The following THAP4 variants were observed in gnomAD, a reference collection of about 807,000 sequenced individuals.
THAP4 encodes peroxynitrite isomerase THAP4.
In THAP4, 18 loss-of-function variants were observed where a neutral mutation model predicts 48.1. That is an observed-to-expected ratio of 0.37 (90% confidence interval 0.26 to 0.56). The LOEUF (loss-of-function observed/expected upper bound fraction) is 0.56, where lower values mean the gene tolerates loss of function less well. Among genes scored for constraint, THAP4 ranks in the 20% least tolerant of loss-of-function variants. THAP4 has a pLI of 0.78. For synonymous variants in THAP4, 345 were observed against 324.9 expected, an observed-to-expected ratio of 1.06 and a Z score of -0.66; for missense variants, 656 against 774.9, an observed-to-expected ratio of 0.85 and a Z score of 1.82.
In THAP4 at chr2:241,584,660, C is replaced by G. The variant is rs146802008; in HGVS notation, c.1680G>C (p.Thr560=). 5 of 1,614,156 alleles carry G rather than the reference C, an allele frequency of 3.1e-6. No individual in the cohort carries two copies. Among genetic ancestry groups the G allele is most frequent in the Non-Finnish European group, 4.2e-6 (5 of 1,180,002 alleles). The change falls in exon 6 of 6, where the codon ACG becomes ACC. Residue 560 remains threonine (T), a synonymous_variant. Coordinates refer to ENST00000407315, the MANE Select transcript of THAP4 (RefSeq NM_015963.6). ...KLEQTVSMAT[T]TQPMTQHLHV... is the part of the protein sequence containing the mutation. ...GAAGATGCTGAGTCATTGGCTGTGTCGTGGTTGCCATGGAGACCGTCTGCT... is the reference window on the plus strand; with the variant it reads ...GAAGATGCTGAGTCATTGGCTGTGTGGTGGTTGCCATGGAGACCGTCTGCT...
intron 2 of THAP4, among the ~76,000 whole-genome samples, chr2:241,632,345 C>T (rs971905316): frequency 6.6e-6 from 1 of 152,010 alleles, no homozygotes; most frequent in African/African-American, 2.4e-5. Context: ...AGTGATCTGC[C>T]CACCTTAGCC....
chr2:241,606,509 C>T (rs1254611178), intron 2 of THAP4, 36 bp from the exon 3 acceptor site: 3 of 1,552,302 alleles, frequency 1.9e-6, no homozygotes, highest in Non-Finnish European at 2.6e-6. Flanking sequence ...AGTGGCCTCC[C>T]TCCAACCATG....
chr2:241,597,304 T>A (rs1040426571), intron 5 of THAP4, among the ~76,000 whole-genome samples: 2 of 152,144 alleles, frequency 1.3e-5, no homozygotes, highest in African/African-American at 4.8e-5. Flanking sequence ...TGGCTAATTT[T>A]TGTATTTTTA....
intron 2 of THAP4, among the ~76,000 whole-genome samples, chr2:241,632,375 C>T (rs1446578700): frequency 3.9e-5 from 6 of 152,126 alleles, no homozygotes; most frequent in Non-Finnish European, 7.3e-5. Flanking sequence ...ACTGGGATTA[C>T]AGGTGTGAGC....
intron 2 of THAP4, among the ~76,000 whole-genome samples, chr2:241,630,704 G>A (rs771110646): frequency 1.3e-5 from 2 of 151,726 alleles, no homozygotes; most frequent in South Asian, 2.1e-4. Context: ...GCTTGAACCC[G>A]GGAGGTGGAG....
chr2:241,613,800 CATAAT>C (rs1237822734), intron 2 of THAP4, among the ~76,000 whole-genome samples: 2 of 152,018 alleles, frequency 1.3e-5, no homozygotes, highest in East Asian at 3.9e-4. Flanking sequence ...ACACAACAAG[CATAAT>C]ATAAAATAAG....
intron 2 of THAP4, among the ~76,000 whole-genome samples, chr2:241,621,966 A>G (rs2067433673): frequency 6.6e-6 from 1 of 152,216 alleles, no homozygotes; most frequent in South Asian, 2.1e-4. Context: ...AACCAAACCA[A>G]AAACGTGCAA....
In THAP4 at chr2:241,637,065, C is replaced by G. The variant is rs1302838156; in HGVS notation, c.-48G>C. 4 of 1,107,838 alleles carry G rather than the reference C, an allele frequency of 3.6e-6. No individual in the cohort carries two copies. The highest frequency in any genetic ancestry group is 4.4e-6 in the Non-Finnish European group (4 of 902,728). 68.6% of individuals were successfully genotyped at this position (1,107,838 alleles called of 1,614,324 possible). The stretch of plus-strand genomic sequence containing the variant: ...CAGCCAGGCCCCGGCCCTAGCCGCC[C>G]GCCCGCCCGCGGACCGCCCCGAGGG... On this transcript the variant is annotated 5_prime_UTR_variant, in exon 1 of 6. Transcript: ENST00000407315.
chr2:241,606,358 C>T lies in THAP4; in HGVS notation c.1356G>A (p.Glu452=). 1 of 1,575,560 alleles carries T rather than the reference C, an allele frequency of 6.3e-7. No individual in the cohort carries two copies. Among genetic ancestry groups the T allele is most frequent in the South Asian group, 1.2e-5 (1 of 86,056 alleles). ...GGCCCACGTGGGAGATGTGAACCTC[C>T]TCCAGGTACTGGAAGGGCTGCAGTG... is the stretch of plus-strand genomic sequence containing the variant. ...YPTLQPFQYL[E]EVHISHVGQP... The change falls in exon 3 of 6, where the codon GAG becomes GAA. Residue 452 remains glutamate (E), a synonymous_variant. Coordinates refer to ENST00000407315, the MANE Select transcript of THAP4 (RefSeq NM_015963.6).
chr2:241,605,742 T>C (rs2067174991), intron 3 of THAP4, among the ~76,000 whole-genome samples: 1 of 151,506 alleles, frequency 6.6e-6, no homozygotes, highest in African/African-American at 2.4e-5. Context: ...TTGAGACAGG[T>C]TCTCACTCTG....
Position 241,633,115 on chromosome 2 carries a change from A to C in THAP4, c.1042T>G (p.Tyr348Asp). 1 of 1,613,580 alleles carries C rather than the reference A, an allele frequency of 6.2e-7. No homozygotes were observed. The highest frequency in any genetic ancestry group is 8.5e-7 in the Non-Finnish European group (1 of 1,179,842). Residue 348 changes from tyrosine to aspartate, a missense_variant, in exon 2 of 6, where the codon TAC becomes GAC. This residue lies in a region of THAP4 where 391 missense variants were observed against 412.4 expected (regional missense o/e 0.95). Transcript: ENST00000407315. This position sits in a 1 kb window ranked among gnomAD's most constrained non-coding sequence, Gnocchi z 7.5. ...ACKLIDSLHS[Y>D]CFSSRQNKSQ... ...TTGTTCTGCCGGGAGGAGAAGCAGT[A>C]GGAGTGCAGTGAGTCGATGAGCTTG...
At chr2:241,599,723 G>A (rs1034629102) in intron 5 of THAP4, among the ~76,000 whole-genome samples, 1 of 152,150 alleles carries the variant, frequency 6.6e-6, no homozygotes, top group Non-Finnish European at 1.5e-5. Flanking sequence ...TGTATTCAAT[G>A]CAGTCTTGAT....
At position 241,616,094 on chromosome 2, in the gene THAP4, C is replaced by T. The variant is rs1011933175; in HGVS notation, c.1241-9621G>A. On this transcript the variant is annotated intron_variant, in intron 2 of 5. Coordinates refer to ENST00000407315, the MANE Select transcript of THAP4 (RefSeq NM_015963.6). This position sits in a 1 kb window ranked among gnomAD's most constrained non-coding sequence, Gnocchi z 4.6. ...GGACAGGTGAGCACAGCTGGCTCCT[C>T]AGAAGAACTGGGCTTATCTGAAGTC... is the stretch of plus-strand genomic sequence containing the variant. Among the ~76,000 whole-genome samples the T allele has an allele frequency of 2.0e-5, 3 of 152,218 alleles. No individual in the cohort carries two copies. Among genetic ancestry groups the T allele is most frequent in the Non-Finnish European group, 4.4e-5 (3 of 68,040 alleles).
intron 2 of THAP4, among the ~76,000 whole-genome samples, chr2:241,625,383 G>A (rs1008199219): frequency 6.6e-6 from 1 of 151,798 alleles, no homozygotes; most frequent in Admixed American, 6.6e-5. Context: ...GCTGTGGCAG[G>A]TGGGTCACCT....
chr2:241,597,227 A>C (rs1322524047), intron 5 of THAP4, among the ~76,000 whole-genome samples: 1 of 152,074 alleles, frequency 6.6e-6, no homozygotes, highest in African/African-American at 2.4e-5. Context: ...GCTGCCTACC[A>C]GTTTCAAGCG....
chr2:241,584,777 A>G (rs373601840), intron 5 of THAP4, 52 bp from the exon 6 acceptor site: 12 of 1,611,066 alleles, frequency 7.4e-6, no homozygotes, highest in African/African-American at 1.3e-5. Flanking sequence ...CAAAAGATTC[A>G]ATCAATGCCT....
intron 2 of THAP4, among the ~76,000 whole-genome samples, chr2:241,619,979 G>A (rs1304350350): frequency 4.0e-5 from 4 of 99,398 alleles, no homozygotes; most frequent in African/African-American, 7.9e-5. Context: ...TGAGTGAGTC[G>A]GTGAGTGAGG....
intron 5 of THAP4, among the ~76,000 whole-genome samples, chr2:241,588,113 CAT>C (rs1401625822): frequency 1.3e-5 from 2 of 151,992 alleles, no homozygotes; most frequent in Non-Finnish European, 2.9e-5. Flanking sequence ...AACAAAGTCA[CAT>C]GATACGAGAT....
chr2:241,636,991 G>C lies in THAP4; in HGVS notation c.27C>G (p.Asn9Lys). 7.6e-7 allele frequency: 1 copy of C among 1,321,660 alleles called. No homozygotes were observed. The highest frequency in any genetic ancestry group is 9.9e-7 in the Non-Finnish European group (1 of 1,012,366). The allele number at this position is 1,321,660 out of a possible 1,614,324, so 81.9% of individuals were successfully genotyped here. MVICCAAV[N>K]CSNRQGKGEK... ...CGCCCTTTCCCTGCCGGTTGGAGCA[G>C]TTCACGGCCGCACAGCAGATCACCA... The change falls in exon 1 of 6, where the codon AAC becomes AAG. Residue 9 changes from asparagine (N) to lysine (K), a missense_variant. Physicochemically the swap from Asn to Lys is moderately conservative, Grantham distance 94 (BLOSUM62 0). This residue lies in a region of THAP4 where 59 missense variants were observed against 45.8 expected (regional missense o/e 1.29). Coordinates refer to ENST00000407315, the MANE Select transcript of THAP4 (RefSeq NM_015963.6).
Sources: gnomAD v4.1 joint callset for allele counts (sites outside exome capture counted in the v4.1 genomes callset) on GRCh38, gnomAD v4.1.1 for gene constraint, gnomAD v4.1.1 regional missense constraint, Gnocchi (gnomAD v3.1) non-coding constraint, MANE v1.5 for transcripts, NCBI Gene and HGNC (gene_info 2026-07-23, HGNC 2026-07-21) for gene names.